HSD17B12: variants seen among roughly 807,000 people sequenced by gnomAD.
HSD17B12 encodes the protein very-long-chain 3-oxoacyl-CoA reductase.
HSD17B12 carries 32 observed loss-of-function variants against 39.3 expected under a neutral mutation model. The observed-to-expected ratio is 0.81, with a 90% CI of 0.61 to 1.09. The LOEUF (loss-of-function observed/expected upper bound fraction) is 1.09. HSD17B12 is among the 50% of genes least tolerant of loss of function. The pLI is 0.00. For synonymous variants in HSD17B12, 150 were observed against 146.7 expected, an observed-to-expected ratio of 1.02 and a Z score of -0.16; for missense variants, 342 against 382.9, an observed-to-expected ratio of 0.89 and a Z score of 0.89.
intron 3 of HSD17B12, among the ~76,000 whole-genome samples, chr11:43,762,978 T>G (rs966201720): frequency 6.6e-5 from 10 of 152,158 alleles, no homozygotes; most frequent in Admixed American, 2.0e-4. Flanking sequence ...ATCATGGGCT[T>G]GATAAACAAA....
the HSD17B12 span, among the ~76,000 whole-genome samples, chr11:43,660,164 A>G: frequency 6.6e-6 from 1 of 152,080 alleles, no homozygotes; most frequent in Non-Finnish European, 1.5e-5. Context: ...AGGAGTTCCC[A>G]TACCCTCCCT....
At chr11:43,656,953 C>A in the HSD17B12 span, among the ~76,000 whole-genome samples, 8 of 152,052 alleles carry the variant, frequency 5.3e-5, no homozygotes, top group African/African-American at 1.9e-4. Flanking sequence ...TCCTGGGTAT[C>A]CTTGTTGACT....
At chr11:43,703,199 ACTT>A (rs1157242820) in intron 1 of HSD17B12, among the ~76,000 whole-genome samples, 8 of 152,082 alleles carry the variant, frequency 5.3e-5, no homozygotes, top group African/African-American at 7.2e-5. Flanking sequence ...TGAGAATTAA[ACTT>A]CTTTTTTTTT....
At chr11:43,815,376 A>G (rs1951112220) in intron 4 of HSD17B12, 61 bp from the exon 5 acceptor site, 2 of 918,220 alleles carry the variant, frequency 2.2e-6, no homozygotes, top group Admixed American at 1.8e-5. Flanking sequence ...TAATGTCATT[A>G]TTTTAACAAA....
At chr11:43,663,873 T>A in the HSD17B12 span, among the ~76,000 whole-genome samples, 14 of 151,996 alleles carry the variant, frequency 9.2e-5, no homozygotes, top group East Asian at 1.4e-3. Flanking sequence ...TTTTATTATT[T>A]TTTTTTTGAG....
At chr11:43,568,140 C>T in the HSD17B12 span, among the ~76,000 whole-genome samples, 37,364 of 151,880 alleles carry the variant, frequency 0.25, 5,667 homozygotes, top group Middle Eastern at 0.36. Flanking sequence ...CTCTGTTGCC[C>T]GGGACGGAGT....
intron 1 of HSD17B12, among the ~76,000 whole-genome samples, chr11:43,742,809 G>GA (rs1339971153): frequency 3.3e-5 from 5 of 151,380 alleles, no homozygotes; most frequent in African/African-American, 1.2e-4. Flanking sequence ...TGTTTTCTCA[G>GA]AAAAAATATT....
At chr11:43,661,743 C>G in the HSD17B12 span, among the ~76,000 whole-genome samples, 1 of 152,066 alleles carries the variant, frequency 6.6e-6, no homozygotes, top group Non-Finnish European at 1.5e-5. Context: ...AATACTTAAC[C>G]CAAGTGCCCA....
intron 8 of HSD17B12, among the ~76,000 whole-genome samples, chr11:43,839,612 A>G (rs1392578959): frequency 6.6e-6 from 1 of 152,150 alleles, no homozygotes; most frequent in East Asian, 1.9e-4. Flanking sequence ...AAATCCCCAT[A>G]GAACAGAGTT....
chr11:43,727,210 T>C (rs140052456), intron 1 of HSD17B12, among the ~76,000 whole-genome samples: 1 of 152,346 alleles, frequency 6.6e-6, no homozygotes, highest in East Asian at 1.9e-4. Context: ...TTGCTGGTGC[T>C]GTTAGACTGA....
chr11:43,616,898 G>C, the HSD17B12 span, among the ~76,000 whole-genome samples: 1 of 150,856 alleles, frequency 6.6e-6, no homozygotes, highest in South Asian at 2.1e-4. Flanking sequence ...CTTGAACCCG[G>C]GAGGTGGAGG....
chr11:43,670,606 G>C, the HSD17B12 span: 1 of 152,158 alleles, frequency 6.6e-6, no homozygotes, highest in African/African-American at 2.4e-5. Flanking sequence ...AAGATAGCAA[G>C]GGAGTCTGGC....
At chr11:43,771,742 C>T (rs1218439537) in intron 3 of HSD17B12, among the ~76,000 whole-genome samples, 2 of 152,116 alleles carry the variant, frequency 1.3e-5, no homozygotes, top group East Asian at 1.9e-4. Flanking sequence ...GCTGGGATTA[C>T]AGGTGTGAGC....
At chr11:43,756,648 A>G (rs1950510214) in intron 3 of HSD17B12, among the ~76,000 whole-genome samples, 1 of 152,222 alleles carries the variant, frequency 6.6e-6, no homozygotes, top group Admixed American at 6.5e-5. Context: ...GCTTTTGACT[A>G]AATGGAATGT....
intron 1 of HSD17B12, among the ~76,000 whole-genome samples, chr11:43,724,631 G>T (rs138445802): frequency 6.6e-6 from 1 of 152,240 alleles, no homozygotes; most frequent in Admixed American, 6.5e-5. Flanking sequence ...ATGGCAGAGG[G>T]GGCAAATGAG....
At chr11:43,814,224 TA>T (rs1318504627) in intron 4 of HSD17B12, among the ~76,000 whole-genome samples, 3 of 152,124 alleles carry the variant, frequency 2.0e-5, no homozygotes, top group African/African-American at 7.2e-5. Context: ...ACATAGTGGT[TA>T]AAAGCCTAGT....
At chr11:43,663,125 C>T in the HSD17B12 span, among the ~76,000 whole-genome samples, 1 of 151,952 alleles carries the variant, frequency 6.6e-6, no homozygotes, top group Admixed American at 6.6e-5. Flanking sequence ...TCTGCCTGCC[C>T]AGGTTAGAGT....
At chr11:43,757,064 G>A (rs1376345158) in intron 3 of HSD17B12, among the ~76,000 whole-genome samples, 1 of 152,168 alleles carries the variant, frequency 6.6e-6, no homozygotes, top group Non-Finnish European at 1.5e-5. Flanking sequence ...AATACATAGA[G>A]GAGATTTATA....
At chr11:43,644,379 G>A in the HSD17B12 span, 1 of 152,312 alleles carries the variant, frequency 6.6e-6, no homozygotes, top group Admixed American at 6.5e-5. Flanking sequence ...TTCCTGGAAG[G>A]TGGGCAAGCA....
Sources: allele counts gnomAD v4.1 joint callset (sites outside exome capture counted in the v4.1 genomes callset), GRCh38; gene constraint gnomAD v4.1.1; transcripts MANE v1.5; gene names NCBI Gene and HGNC (gene_info 2026-07-23, HGNC 2026-07-21).